Variants in SLC4A11 observed in about 807,000 individuals in gnomAD.
The protein encoded by SLC4A11 is bicarbonate transporter related protein 1.
Under a neutral mutation model 95.0 loss-of-function variants are expected in SLC4A11, and 74 were observed. The ratio of observed to expected loss-of-function variants is 0.78; its 90% CI spans 0.65 to 0.95. SLC4A11 has a LOEUF of 0.95. Ranked by LOEUF, SLC4A11 falls within the 40% of genes least tolerant of loss-of-function variation. The pLI, the probability that SLC4A11 is intolerant of heterozygous loss-of-function variation, is 0.00. For missense variants in SLC4A11, 1,081 were observed against 1,192.4 expected, an observed-to-expected ratio of 0.91 and a Z score of 1.38; for synonymous variants, 548 against 519.0, an observed-to-expected ratio of 1.06 and a Z score of -0.76.
Position 3,239,078 on chromosome 20 carries a change from C to T in SLC4A11, c.43+17G>A, listed in dbSNP as rs2068077155. The T allele has an allele frequency of 2.7e-6, 4 of 1,472,530 alleles. No homozygotes were observed. Among genetic ancestry groups the T allele is most frequent in the Admixed American group, 2.3e-5 (1 of 43,178 alleles). 91.2% of individuals were successfully genotyped at this position (1,472,530 alleles called of 1,614,324 possible). ...CCGGGCGGCCTTCCCGCCGCGCCCC[C>T]GGGTTCAGGCACCCACCGCACGGCT... is the stretch of plus-strand genomic sequence containing the variant. On this transcript the variant is annotated intron_variant, in intron 1 of 19. Transcript: ENST00000642402.
intron 1 of SLC4A11, chr20:3,238,107 A>G (rs1472073142): frequency 2.1e-6 from 3 of 1,457,214 alleles, no homozygotes; most frequent in Admixed American, 2.7e-5. Context: ...GCCCCGGGTC[A>G]CACGGGGGCC....
chr20:3,231,424 T>G lies in SLC4A11; in HGVS notation c.854A>C (p.Gln285Pro), dbSNP rs1464479252. ...GCTCACCATGGTGAGCAGCTGTCTC[T>G]GATGCACCAAGGCCTCCTTGAATTC... is the stretch of plus-strand genomic sequence containing the variant. ...EEEFKEALVH[Q>P]RQLLTMVSHG... Residue 285 changes from glutamine (Q) to proline (P), a missense_variant, in exon 8 of 20, where the codon CAG (glutamine) becomes CCG (proline). Coordinates refer to ENST00000642402, the MANE Select transcript of SLC4A11 (RefSeq NM_001174089.2). The surrounding 1 kb of genome is among the most constrained non-coding windows in gnomAD (Gnocchi z 5.2). The G allele has an allele frequency of 1.2e-6, 2 of 1,614,096 alleles. No homozygotes were observed. The highest frequency in any genetic ancestry group is 1.7e-6 in the Non-Finnish European group (2 of 1,180,024).
At position 3,239,146 on chromosome 20, in the gene SLC4A11, C is replaced by G. The variant is rs1363507861; in HGVS notation, c.-9G>C. 4 of 1,466,096 alleles carry G rather than the reference C, an allele frequency of 2.7e-6. No individual in the cohort carries two copies. The East Asian group carries it at 9.1e-5, about 33-fold the overall frequency. The allele number at this position is 1,466,096 out of a possible 1,614,324, so 90.8% of individuals were successfully genotyped here. Reference sequence around the variant, plus strand: ...CTGGTGGCCGCGGCCATGGCACACTCGCGCACTCACGGCCGGGCTCCTCAC... The same window carrying G: ...CTGGTGGCCGCGGCCATGGCACACTGGCGCACTCACGGCCGGGCTCCTCAC... On this transcript the variant is annotated 5_prime_UTR_variant, in exon 1 of 20. Coordinates refer to ENST00000642402, the MANE Select transcript of SLC4A11 (RefSeq NM_001174089.2).
At position 3,234,403 on chromosome 20, in the gene SLC4A11, T is replaced by TCTAGCCC. The variant is rs575672476; in HGVS notation, c.292-90_292-89insGGGCTAG. On this transcript the variant is annotated intron_variant, in intron 4 of 19. Transcript: ENST00000642402. The surrounding 1 kb of genome is among the most constrained non-coding windows in gnomAD (Gnocchi z 5.8). Reference sequence around the variant, plus strand: ...CCTCCCTCCCAGCCAGCCGCAGCAGTCCAGCCCCCAGCCCCCAGCCCCCAG... The same window carrying TCTAGCCC: ...CCTCCCTCCCAGCCAGCCGCAGCAGTCTAGCCCCCAGCCCCCAGCCCCCAGCCCCCAG... 1.4e-5 allele frequency: 19 copies of TCTAGCCC among 1,338,932 alleles called. No homozygotes were observed. The highest frequency in any genetic ancestry group is 1.8e-5 in the Non-Finnish European group (17 of 944,900). 82.9% of individuals were successfully genotyped at this position (1,338,932 alleles called of 1,614,324 possible). A position where few individuals can be genotyped will look rare whatever the true frequency, so the allele number is the denominator to read the frequency against.
chr20:3,230,960 TGAGAGACCCGAA>T lies in SLC4A11; in HGVS notation c.1129_1140del (p.Phe377_Leu380del). 6.2e-7 allele frequency: 1 copy of T among 1,613,668 alleles called. No individual in the cohort carries two copies. Among genetic ancestry groups the T allele is most frequent in the Non-Finnish European group, 8.5e-7 (1 of 1,179,898 alleles). ...ATGGCCCCGTCTGTGTTCTCGTCATTGAGAGACCCGAAAGCGATGGTGGGCAGGAGGCAGGCG... is the reference window on the plus strand; with the variant it reads ...ATGGCCCCGTCTGTGTTCTCGTCATTAGCGATGGTGGGCAGGAGGCAGGCG... On this transcript the variant is annotated inframe_deletion, in exon 10 of 20. Coordinates refer to ENST00000642402, the MANE Select transcript of SLC4A11 (RefSeq NM_001174089.2).
At chr20:3,229,834 T>C (rs923784263) in intron 13 of SLC4A11, 58 bp from the exon 14 acceptor site, 1 of 1,611,244 alleles carries the variant, frequency 6.2e-7, no homozygotes, top group Non-Finnish European at 8.5e-7. Flanking sequence ...GGGGAGGCCC[T>C]GGAGGGAGGG....
At position 3,228,647 on chromosome 20, in the gene SLC4A11, C is replaced by G. The variant is rs766549806; in HGVS notation, c.2253G>C (p.Leu751=). The change falls in exon 18 of 20, where the codon CTG becomes CTC. Residue 751 remains leucine, a synonymous_variant. Coordinates refer to ENST00000642402, the MANE Select transcript of SLC4A11 (RefSeq NM_001174089.2). ...TSLGASVLVG[L]SLLLLPVPLQ... ...GCGGGACCGGCAGCAGCAACAGGGA[C>G]AGGCCCACCAGGACGCTGGCGCCCA... is the stretch of plus-strand genomic sequence containing the variant. 1.5e-5 allele frequency: 25 copies of G among 1,612,992 alleles called. No individual in the cohort carries two copies. The highest frequency in any genetic ancestry group is 3.3e-4 in the Middle Eastern group (2 of 6,062).
At position 3,228,493 on chromosome 20, in the gene SLC4A11, C is replaced by G. The variant is rs150730141; in HGVS notation, c.2388+19G>C. ...TGTGTCCCCACCCACGCCACTCCCT[C>G]GCAGGGCCAAGCGCTCACCTGCTCC... On this transcript the variant is annotated intron_variant, in intron 18 of 19. Transcript: ENST00000642402. 2.5e-6 allele frequency: 4 copies of G among 1,612,994 alleles called. No individual in the cohort carries two copies. The highest frequency in any genetic ancestry group is 3.4e-6 in the Non-Finnish European group (4 of 1,179,930).
chr20:3,233,432 G>T, intron 7 of SLC4A11, 82 bp downstream of exon 7: 2 of 1,598,544 alleles, frequency 1.3e-6, no homozygotes, highest in Non-Finnish European at 1.7e-6. Flanking sequence ...CAGAGGCCAG[G>T]ACATGTGGGA....
rs780951969 is a variant in SLC4A11, at chr20:3,228,921, A to G, written c.2109T>C (p.His703=). The G allele has an allele frequency of 6.2e-7, 1 of 1,613,954 alleles. No individual in the cohort carries two copies. Among genetic ancestry groups the G allele is most frequent in the Admixed American group, 1.7e-5 (1 of 60,024 alleles). Residue 703 remains histidine, a synonymous_variant, in exon 17 of 20, where the codon CAT becomes CAC. Transcript: ENST00000642402. ...GCAGCGGGGAGTGGGGGTAGGCGGC[A>G]TGGATCCAAGGCAGCCCAAACAGAG... ...GLSLFGLPWI[H]AAYPHSPLHV...
rs772916997 is a variant in SLC4A11, at chr20:3,233,571, C to G, written c.672G>C (p.Trp224Cys). 1 of 1,613,816 alleles carries G rather than the reference C, an allele frequency of 6.2e-7. No homozygotes were observed. The highest frequency in any genetic ancestry group is 8.5e-7 in the Non-Finnish European group (1 of 1,180,004). Residue 224 changes from tryptophan (W) to cysteine (C), a missense_variant, in exon 7 of 20, where the codon TGG becomes TGC. By Grantham distance (215) the Trp-to-Cys change is radical. Around this residue, in one of 3 missense-constraint regions of SLC4A11, gnomAD observed 310 missense variants for 313.5 expected, o/e 0.99. Coordinates refer to ENST00000642402, the MANE Select transcript of SLC4A11 (RefSeq NM_001174089.2). Reference protein sequence around the residue: ...CISRLVRPQNWGENSCEVRFV... With the variant: ...CISRLVRPQNCGENSCEVRFV... ...ACCGAACCTCACAGGAATTCTCCCC[C>G]CAGTTCTGTGGGCGAACCAGGCGGC...
chr20:3,228,198 A>G, intron 19 of SLC4A11, 61 bp downstream of exon 19: 1 of 1,055,052 alleles, frequency 9.5e-7, no homozygotes, highest in Non-Finnish European at 1.2e-6. Flanking sequence ...CCGCTGCCCC[A>G]GCCCGCCCAT....
rs778295914 is a variant in SLC4A11, at chr20:3,228,564, G to C, written c.2336C>G (p.Ser779Cys). 1 of 1,613,264 alleles carries C rather than the reference G, an allele frequency of 6.2e-7. No homozygotes were observed. Among genetic ancestry groups the C allele is most frequent in the Non-Finnish European group, 8.5e-7 (1 of 1,179,972 alleles). ...YGLFLYIALT[S>C]LDGNQLVQRV... Reference sequence around the variant, plus strand: ...CTGGACGAGCTGGTTGCCATCGAGGGAGGTGAGCGCGATGTAGAGGAAGAG... The same window carrying C: ...CTGGACGAGCTGGTTGCCATCGAGGCAGGTGAGCGCGATGTAGAGGAAGAG... The change falls in exon 18 of 20, where the codon TCC (serine) becomes TGC (cysteine). Residue 779 changes from serine to cysteine, a missense_variant. Around this residue, in one of 3 missense-constraint regions of SLC4A11, gnomAD observed 767 missense variants for 858.0 expected, o/e 0.89. Transcript: ENST00000642402.
Position 3,239,160 on chromosome 20 carries a change from C to CG in SLC4A11, c.-24dup, listed in dbSNP as rs771055494. 4.4e-5 allele frequency: 64 copies of CG among 1,445,724 alleles called. No individual in the cohort carries two copies. In the South Asian group the frequency reaches 7.9e-4, roughly 18 times the overall value. 89.6% of individuals were successfully genotyped at this position (1,445,724 alleles called of 1,614,324 possible). On this transcript the variant is annotated 5_prime_UTR_variant, in exon 1 of 20. Transcript: ENST00000642402. The stretch of plus-strand genomic sequence containing the variant: ...CATGGCACACTCGCGCACTCACGGC[C>CG]GGGCTCCTCACGCGGCGCTCCGGCG...
At chr20:3,238,115 G>T (rs539318176) in intron 1 of SLC4A11, 4 of 1,455,474 alleles carry the variant, frequency 2.7e-6, no homozygotes, top group East Asian at 5.0e-5. Context: ...TCACACGGGG[G>T]CCGACAGGCA....
At position 3,230,587 on chromosome 20, in the gene SLC4A11, C is replaced by A; in HGVS notation, c.1343G>T (p.Gly448Val). Residue 448 changes from glycine to valine, a missense_variant, in exon 12 of 20, where the codon GGC becomes GTC. By Grantham distance (109) the Gly-to-Val change is moderately radical. This residue lies in a region of SLC4A11 where 767 missense variants were observed against 858.0 expected (regional missense o/e 0.89). Transcript: ENST00000642402. ...CGCAAGGAAGAAACTATTCCACAGG[C>A]CCGTCCATGCGTAGAAGGAGTTGAA... ...LDFNSFYAWT[G>V]LWNSFFLALY... 1 of 1,613,894 alleles carries A rather than the reference C, an allele frequency of 6.2e-7. No individual in the cohort carries two copies. The highest frequency in any genetic ancestry group is 8.5e-7 in the Non-Finnish European group (1 of 1,180,018).
At chr20:3,239,326 G>C, upstream of SLC4A11, 1 of 1,149,744 alleles carries the variant, frequency 8.7e-7, no homozygotes, top group African/African-American at 1.6e-5. Flanking sequence ...CTGGGACCCG[G>C]CCGCCCGCCC....
chr20:3,230,901 C>A, intron 10 of SLC4A11, 32 bp downstream of exon 10: 2 of 1,613,224 alleles, frequency 1.2e-6, no homozygotes, highest in Non-Finnish European at 8.5e-7. Context: ...GCCCAGCATA[C>A]CCCCACCCAC....
In SLC4A11 at chr20:3,230,199, C is replaced by T. The variant is rs1223466140; in HGVS notation, c.1477G>A (p.Gly493Ser). 1 of 1,613,554 alleles carries T rather than the reference C, an allele frequency of 6.2e-7. No homozygotes were observed. Among genetic ancestry groups the T allele is most frequent in the Non-Finnish European group, 8.5e-7 (1 of 1,180,016 alleles). The stretch of plus-strand genomic sequence containing the variant: ...CAGCCGCACTCACTTTTAACCGTGC[C>T]CTTGACGGCATCCAGCACAAACGTG... Reference protein sequence around the residue: ...SITFVLDAVKGTVKIFWKYYY... With the variant: ...SITFVLDAVKSTVKIFWKYYY... Residue 493 changes from glycine (G) to serine (S), a missense_variant, in exon 13 of 20, where the codon GGC (glycine) becomes AGC (serine). Transcript: ENST00000642402.
Sources: allele counts gnomAD v4.1 joint callset, GRCh38; gene constraint gnomAD v4.1.1; regional missense constraint gnomAD v4.1.1; non-coding constraint Gnocchi (gnomAD v3.1); transcripts MANE v1.5; gene names NCBI Gene and HGNC (gene_info 2026-07-23, HGNC 2026-07-21).